ZNF385D: variants seen among roughly 807,000 people sequenced by gnomAD.
The protein encoded by ZNF385D is zinc finger protein 659.
A neutral mutation model predicts 35.8 loss-of-function variants in ZNF385D; 15 were observed. The ratio of observed to expected loss-of-function variants is 0.42; its 90% confidence interval spans 0.28 to 0.64. The LOEUF (loss-of-function observed/expected upper bound fraction) is 0.64, where lower values mean the gene tolerates loss of function less well. ZNF385D is among the 30% of genes least tolerant of loss of function. The pLI is 0.23. For synonymous variants in ZNF385D, 212 were observed against 186.8 expected, an observed-to-expected ratio of 1.13 and a Z score of -1.10; for missense variants, 474 against 494.6, an observed-to-expected ratio of 0.96 and a Z score of 0.39.
chr3:22,265,157 T>C (rs1700833312), intron 2 of ZNF385D, among the ~76,000 whole-genome samples: 1 of 151,894 alleles, frequency 6.6e-6, no homozygotes, highest in African/African-American at 2.4e-5. Flanking sequence ...CATTAAAAAA[T>C]ATAATTGCAA....
chr3:21,640,217 C>T (rs920885449), intron 2 of ZNF385D, among the ~76,000 whole-genome samples: 2 of 152,020 alleles, frequency 1.3e-5, no homozygotes, highest in African/African-American at 4.8e-5. Context: ...TGTTATACTG[C>T]CATTAACATG....
intron 2 of ZNF385D, among the ~76,000 whole-genome samples, chr3:21,638,324 G>A (rs964928151): frequency 6.6e-6 from 1 of 152,010 alleles, no homozygotes; most frequent in African/African-American, 2.4e-5. Flanking sequence ...TTCCCTCTGA[G>A]CAGAGGGCAG....
At position 22,048,687 on chromosome 3, in the gene ZNF385D, TG is replaced by T. The variant is rs1306414129; in HGVS notation, c.325+120129del. The stretch of plus-strand genomic sequence containing the variant: ...TTGAAATCAGGTAATGTGATGCCTT[TG>T]GCTTTGTTCTTTTTGCTCAAGATTG... On this transcript the variant is annotated intron_variant, in intron 3 of 5. Coordinates refer to the ZNF385D transcript ENST00000494108. Among the ~76,000 whole-genome samples, 6 of 152,320 alleles carry T rather than the reference TG, an allele frequency of 3.9e-5. No individual in the cohort carries two copies. The East Asian group carries it at 9.6e-4, about 24-fold the overall frequency.
At chr3:22,036,993 G>A (rs1298013016) in intron 3 of ZNF385D, among the ~76,000 whole-genome samples, 1 of 151,518 alleles carries the variant, frequency 6.6e-6, no homozygotes, top group Non-Finnish European at 1.5e-5. Flanking sequence ...ATAGTTTGCT[G>A]AGAATGATGG....
At chr3:21,429,503 G>A (rs1701192807) in intron 5 of ZNF385D, among the ~76,000 whole-genome samples, 1 of 151,778 alleles carries the variant, frequency 6.6e-6, no homozygotes, top group Admixed American at 6.6e-5. Context: ...TAATTATGTT[G>A]TAATGAGCAT....
intron 3 of ZNF385D, among the ~76,000 whole-genome samples, chr3:22,125,618 T>C (rs1013284947): frequency 6.6e-6 from 1 of 152,140 alleles, no homozygotes; most frequent in Admixed American, 6.6e-5. Flanking sequence ...CAACGTTTTA[T>C]AGTTTTCTTG....
intron 3 of ZNF385D, among the ~76,000 whole-genome samples, chr3:21,978,969 A>T (rs1694233855): frequency 6.6e-6 from 1 of 152,234 alleles, no homozygotes; most frequent in South Asian, 2.1e-4. Context: ...GGAAATTTAA[A>T]TTTGAAAGCT....
chr3:22,240,205 AT>A (rs1699416921), intron 2 of ZNF385D, among the ~76,000 whole-genome samples: 2 of 144,440 alleles, frequency 1.4e-5, no homozygotes, highest in Admixed American at 1.4e-4. Flanking sequence ...AAAAAAAAAG[AT>A]TTCAGACACC....
intron 2 of ZNF385D, among the ~76,000 whole-genome samples, chr3:22,287,917 T>C (rs576800303): frequency 6.6e-6 from 1 of 152,192 alleles, no homozygotes; most frequent in South Asian, 2.1e-4. Flanking sequence ...AAAATTTTGT[T>C]AGCACTTTTT....
At chr3:21,737,417 G>A (rs531023516) in intron 1 of ZNF385D, among the ~76,000 whole-genome samples, 1 of 151,460 alleles carries the variant, frequency 6.6e-6, no homozygotes, top group African/African-American at 2.4e-5. Context: ...TGCAAAACAA[G>A]GTACACAGGT....
chr3:22,063,706 A>G (rs149583690), intron 3 of ZNF385D, among the ~76,000 whole-genome samples: 2,099 of 152,266 alleles, frequency 0.014, 54 homozygotes, highest in African/African-American at 0.047. Context: ...GTCCTCTCCA[A>G]GAATTATACT....
intron 2 of ZNF385D, among the ~76,000 whole-genome samples, chr3:22,356,743 G>A (rs1374498192): frequency 6.6e-6 from 1 of 151,928 alleles, no homozygotes; most frequent in East Asian, 1.9e-4. Context: ...GGATATTTCT[G>A]AGTTTAGTCA....
intron 4 of ZNF385D, among the ~76,000 whole-genome samples, chr3:21,453,255 T>C (rs1164210059): frequency 1.3e-5 from 2 of 151,674 alleles, no homozygotes; most frequent in Non-Finnish European, 1.5e-5. Context: ...GAGGAAAAAC[T>C]ATAACGCTCT....
At chr3:21,712,163 C>T (rs2068135682) in intron 1 of ZNF385D, among the ~76,000 whole-genome samples, 1 of 152,124 alleles carries the variant, frequency 6.6e-6, no homozygotes, top group Admixed American at 6.6e-5. Context: ...ACCTTTGCAC[C>T]TCCCTTTACT....
chr3:21,860,223 G>C (rs1696974073), intron 3 of ZNF385D, among the ~76,000 whole-genome samples: 1 of 152,060 alleles, frequency 6.6e-6, no homozygotes, highest in South Asian at 2.1e-4. Context: ...AGATATTAAT[G>C]TTTTCAGTTT....
chr3:22,131,184 C>T (rs943819603), intron 3 of ZNF385D, among the ~76,000 whole-genome samples: 2 of 151,996 alleles, frequency 1.3e-5, no homozygotes, highest in Non-Finnish European at 1.5e-5. Flanking sequence ...ATTTAGAAGT[C>T]AGGGTGGGCA....
At chr3:21,653,184 C>T (rs970846163) in intron 2 of ZNF385D, among the ~76,000 whole-genome samples, 1 of 152,126 alleles carries the variant, frequency 6.6e-6, no homozygotes, top group African/African-American at 2.4e-5. Flanking sequence ...TTTCTTCCCC[C>T]AGCAGCACTG....
chr3:21,725,337 C>T (rs370484807), intron 1 of ZNF385D, among the ~76,000 whole-genome samples: 17 of 151,932 alleles, frequency 1.1e-4, no homozygotes, highest in South Asian at 2.1e-4. Flanking sequence ...AAGATCAGAG[C>T]GGAACTGAAG....
intron 3 of ZNF385D, among the ~76,000 whole-genome samples, chr3:21,973,878 T>A (rs1703430938): frequency 6.6e-6 from 1 of 151,852 alleles, no homozygotes; most frequent in Non-Finnish European, 1.5e-5. Context: ...AGGTGAAAGA[T>A]CTCTACAATG....
Sources: gnomAD v4.1 joint callset for allele counts (sites outside exome capture counted in the v4.1 genomes callset) on GRCh38, gnomAD v4.1.1 for gene constraint, MANE v1.5 for transcripts, NCBI Gene and HGNC (gene_info 2026-07-23, HGNC 2026-07-21) for gene names.